Variants in INPP5D observed in about 807,000 individuals in gnomAD.
INPP5D encodes inositol polyphosphate-5-phosphatase D.
A neutral mutation model predicts 122.9 loss-of-function variants in INPP5D; 33 were observed. That is an observed-to-expected ratio of 0.27 (90% confidence interval 0.20 to 0.36). The LOEUF is 0.36. Ranked by LOEUF, INPP5D falls within the 10% of genes least tolerant of loss-of-function variation. The pLI, the probability that INPP5D is intolerant of heterozygous loss-of-function variation, is 1.00. For synonymous variants in INPP5D, 584 were observed against 576.2 expected (o/e 1.01, Z -0.19); for missense variants, 1,053 against 1,412.7 (o/e 0.75, Z 4.08).
chr2:233,119,439 A>G (rs1306157996), intron 2 of INPP5D, among the ~76,000 whole-genome samples: 1 of 152,030 alleles, frequency 6.6e-6, no homozygotes, highest in African/African-American at 2.4e-5. Context: ...TTTTGAACCT[A>G]CTCATGTTAC....
intron 2 of INPP5D, among the ~76,000 whole-genome samples, chr2:233,085,051 C>A (rs1045479744): frequency 6.6e-6 from 1 of 152,126 alleles, no homozygotes; most frequent in Admixed American, 6.5e-5. Flanking sequence ...ACCAACTGTT[C>A]GCTCAAAATC....
Position 233,177,921 on chromosome 2 carries a change from A to G in INPP5D, c.2071+575A>G, listed in dbSNP as rs527774667. 5.3e-5 allele frequency among the ~76,000 whole-genome samples: 8 copies of G among 152,330 alleles called. No individual in the cohort carries two copies. The East Asian group carries it at 1.5e-3, about 29-fold the overall frequency. ...CAGTTTTATTTCTTTTGAAAAGAACATATTAAGTGTGAACCATATGAAAGT... is the reference window on the plus strand; with the variant it reads ...CAGTTTTATTTCTTTTGAAAAGAACGTATTAAGTGTGAACCATATGAAAGT... On this transcript the variant is annotated intron_variant, in intron 18 of 26. Coordinates refer to ENST00000445964, the MANE Select transcript of INPP5D (RefSeq NM_001017915.3). This position sits in a 1 kb window ranked among gnomAD's most constrained non-coding sequence, Gnocchi z 4.2.
chr2:233,102,849 C>CAAAAAAAA lies in INPP5D; in HGVS notation c.199-19250_199-19243dup, dbSNP rs543054221. Among the ~76,000 whole-genome samples the CAAAAAAAA allele has an allele frequency of 1.6e-3, 142 of 88,818 alleles. 1 individual carries two copies. The highest frequency in any genetic ancestry group is 5.5e-3 in the African/African-American group (138 of 24,976). 58.3% of individuals were successfully genotyped at this position (88,818 alleles called of 152,430 possible). ...TGGGCGACAGAGCAAGACTCCGTCTCAAAAAAAAAAAAAAACAACCAAAAA... is the reference window on the plus strand; with the variant it reads ...TGGGCGACAGAGCAAGACTCCGTCTCAAAAAAAAAAAAAAAAAAAAAAACAACCAAAAA... On this transcript the variant is annotated intron_variant, in intron 2 of 26. Coordinates refer to ENST00000445964, the MANE Select transcript of INPP5D (RefSeq NM_001017915.3).
chr2:233,103,343 C>G (rs1326529295), intron 2 of INPP5D, among the ~76,000 whole-genome samples: 1 of 152,158 alleles, frequency 6.6e-6, no homozygotes, highest in Non-Finnish European at 1.5e-5. Flanking sequence ...TTTAATTTGC[C>G]TAAATTGTAC....
At position 233,060,608 on chromosome 2, in the gene INPP5D, G is replaced by T. The variant is rs1462728006; in HGVS notation, c.130G>T (p.Val44Leu). ...ESISRAYALC[V>L]LYRNCVYTYR... ...CATCTCCCGGGCATACGCGCTCTGC[G>T]TGCTGTGAGTACAACCTGCTCCCTC... The change falls in exon 1 of 27, where the codon GTG (valine) becomes TTG (leucine). Residue 44 changes from valine to leucine, a missense_variant. Transcript: ENST00000445964. 1 of 1,613,848 alleles carries T rather than the reference G, an allele frequency of 6.2e-7. No individual in the cohort carries two copies. Among genetic ancestry groups the T allele is most frequent in the Non-Finnish European group, 8.5e-7 (1 of 1,179,854 alleles).
rs143604820 is a variant in INPP5D, at chr2:233,192,628, T to C, written c.2447-1184T>C. Among the ~76,000 whole-genome samples the C allele has an allele frequency of 8.1e-3, 1,241 of 152,342 alleles. 9 individuals are homozygous for C. Among genetic ancestry groups the C allele is most frequent in the African/African-American group, 0.01 (428 of 41,584 alleles). On this transcript the variant is annotated intron_variant, in intron 22 of 26. Transcript: ENST00000445964. The stretch of plus-strand genomic sequence containing the variant: ...TGCATCCTCATTTTAAAAGTATTCC[T>C]CACTTTAAAAGTACTATTATTGAGG...
In INPP5D at chr2:233,202,847, T is replaced by C. The variant is rs574208470; in HGVS notation, c.2976-1279T>C. Reference sequence around the variant, plus strand: ...ACAAGCAAAGGCAGCACTTGCCTACTTTGGGTCACAACACAGGAGCTTCCC... The same window carrying C: ...ACAAGCAAAGGCAGCACTTGCCTACCTTGGGTCACAACACAGGAGCTTCCC... On this transcript the variant is annotated intron_variant, in intron 25 of 26. Coordinates refer to ENST00000445964, the MANE Select transcript of INPP5D (RefSeq NM_001017915.3). Among the ~76,000 whole-genome samples, 15 of 152,308 alleles carry C rather than the reference T, an allele frequency of 9.8e-5. No homozygotes were observed. The South Asian group carries it at 3.1e-3, about 32-fold the overall frequency.
chr2:233,171,398 C>T (rs111221551), intron 17 of INPP5D: 414,183 of 415,992 alleles, frequency 1, 206,216 homozygotes, highest in East Asian at 1. Flanking sequence ...GCTGAGAGGA[C>T]TTTAAAGTAT....
chr2:233,136,656 T>C (rs6756920), intron 5 of INPP5D, among the ~76,000 whole-genome samples: 71,211 of 151,928 alleles, frequency 0.47, 17,122 homozygotes, highest in African/African-American at 0.53. Context: ...GTACCAACTA[T>C]CTGCAAGGCA....
At chr2:233,179,602 C>T (rs1214983055) in intron 18 of INPP5D, among the ~76,000 whole-genome samples, 1 of 152,212 alleles carries the variant, frequency 6.6e-6, no homozygotes, top group Non-Finnish European at 1.5e-5. Context: ...GAAAACAAGC[C>T]TCACCAGAGA....
intron 17 of INPP5D, among the ~76,000 whole-genome samples, chr2:233,175,753 G>A (rs1427706548): frequency 2.6e-5 from 4 of 151,374 alleles, no homozygotes; most frequent in Admixed American, 2.0e-4. Flanking sequence ...CGCAATCTCA[G>A]CACACCACAA....
At chr2:233,108,139 A>G (rs114511196) in intron 2 of INPP5D, among the ~76,000 whole-genome samples, 9,655 of 151,930 alleles carry the variant, frequency 0.064, 561 homozygotes, top group African/African-American at 0.15. Context: ...CTACCCACCC[A>G]CTGAGCCCGA....
At chr2:233,155,200 T>C (rs1694017518) in intron 9 of INPP5D, among the ~76,000 whole-genome samples, 1 of 151,822 alleles carries the variant, frequency 6.6e-6, no homozygotes. Flanking sequence ...AAAAATATTA[T>C]AGCAGTAATT....
chr2:233,158,102 A>G (rs934403483), intron 9 of INPP5D, among the ~76,000 whole-genome samples: 1 of 152,114 alleles, frequency 6.6e-6, no homozygotes, highest in African/African-American at 2.4e-5. Context: ...TGGACAGGCC[A>G]ACTCTTGCTT....
At chr2:233,169,610 A>C in intron 14 of INPP5D, 1 of 733,396 alleles carries the variant, frequency 1.4e-6, no homozygotes, top group Non-Finnish European at 2.1e-6. Context: ...TGAAGGTCAG[A>C]AAAGATATTT....
At chr2:233,123,123 G>A (rs1421013091) in intron 3 of INPP5D, among the ~76,000 whole-genome samples, 1 of 152,060 alleles carries the variant, frequency 6.6e-6, no homozygotes, top group African/African-American at 2.4e-5. Context: ...ATTAAAAGGG[G>A]GAGGGGGAAA....
intron 4 of INPP5D, among the ~76,000 whole-genome samples, chr2:233,127,053 CCT>C (rs1285427914): frequency 6.6e-6 from 1 of 152,212 alleles, no homozygotes; most frequent in Non-Finnish European, 1.5e-5. Context: ...CACCTGCTGA[CCT>C]CTCCTACTAA....
At position 233,105,584 on chromosome 2, in the gene INPP5D, C is replaced by A. The variant is rs1443288102; in HGVS notation, c.199-16523C>A. 6.6e-6 allele frequency among the ~76,000 whole-genome samples: 1 copy of A among 152,098 alleles called. No homozygotes were observed. The highest frequency in any genetic ancestry group is 1.5e-5 in the Non-Finnish European group (1 of 68,026). On this transcript the variant is annotated intron_variant, in intron 2 of 26. Transcript: ENST00000445964. The surrounding 1 kb of genome is among the most constrained non-coding windows in gnomAD (Gnocchi z 4.0). Reference sequence around the variant, plus strand: ...GGCAGGGCCTGGGTCTGTGTTGGTCCCTGATGCCGGGGGCTGAGCCGGGGG... The same window carrying A: ...GGCAGGGCCTGGGTCTGTGTTGGTCACTGATGCCGGGGGCTGAGCCGGGGG...
chr2:233,169,806 C>A (rs1030092964), intron 14 of INPP5D: 3 of 729,040 alleles, frequency 4.1e-6, no homozygotes, highest in Admixed American at 2.9e-5. Context: ...TGGTCCCCTG[C>A]CCTCTGTACA....
Sources: allele counts gnomAD v4.1 joint callset (sites outside exome capture counted in the v4.1 genomes callset), GRCh38; gene constraint gnomAD v4.1.1; non-coding constraint Gnocchi (gnomAD v3.1); transcripts MANE v1.5; gene names NCBI Gene and HGNC (gene_info 2026-07-23, HGNC 2026-07-21).